Variants in DOCK4 observed in about 807,000 individuals in gnomAD.
DOCK4 encodes dedicator of cytokinesis protein 4.
In DOCK4, 97 loss-of-function variants were observed where a neutral mutation model predicts 268.1. The observed-to-expected ratio is 0.36, with a 90% CI of 0.31 to 0.43. The LOEUF is 0.43. Among genes scored for constraint, DOCK4 ranks in the 20% least tolerant of loss-of-function variants. The pLI is 1.00. For synonymous variants in DOCK4, 954 were observed against 887.2 expected (o/e 1.08, Z -1.34); for missense variants, 2,145 against 2,455.7 (o/e 0.87, Z 2.67).
At chr7:111,898,407 C>T (rs1790845967) in intron 15 of DOCK4, among the ~76,000 whole-genome samples, 1 of 152,230 alleles carries the variant, frequency 6.6e-6, no homozygotes, top group African/African-American at 2.4e-5. Context: ...CAACACAGTA[C>T]CATCACTTTC....
Position 111,739,118 on chromosome 7 carries a change from A to G in DOCK4, c.5232+16T>C. ...ATTGTCCTTGTTTTCTAGTTTCTCT[A>G]CCCTACAAGGAGTACCTGCGAAGGC... is the stretch of plus-strand genomic sequence containing the variant. On this transcript the variant is annotated intron_variant, in intron 49 of 52. Coordinates refer to ENST00000428084, the MANE Select transcript of DOCK4 (RefSeq NM_001363540.2). 2 of 1,598,980 alleles carry G rather than the reference A, an allele frequency of 1.3e-6. No homozygotes were observed. Among genetic ancestry groups the G allele is most frequent in the South Asian group, 2.2e-5 (2 of 90,682 alleles).
chr7:112,090,214 G>C (rs764705038), intron 1 of DOCK4, among the ~76,000 whole-genome samples: 4 of 152,232 alleles, frequency 2.6e-5, no homozygotes, highest in South Asian at 2.1e-4. Context: ...GGTATCATTA[G>C]AGGTTCTAAA....
rs201920775 is a variant in DOCK4 at position 112,134,166 on chromosome 7, ATAATT to A, written c.37+71931_37+71935del. ...GTAATTAGACTAAGTCTCAGAGTCCATAATTTATAGAGTTAAGACAGATTAACAAA... is the reference window on the plus strand; with the variant it reads ...GTAATTAGACTAAGTCTCAGAGTCCATATAGAGTTAAGACAGATTAACAAA... On this transcript the variant is annotated intron_variant, in intron 1 of 52. Transcript: ENST00000428084. 6.0e-3 allele frequency among the ~76,000 whole-genome samples: 916 copies of A among 152,346 alleles called. 10 individuals are homozygous for A. Among genetic ancestry groups the A allele is most frequent in the African/African-American group, 0.021 (868 of 41,576 alleles).
intron 1 of DOCK4, among the ~76,000 whole-genome samples, chr7:112,121,840 A>C (rs1166284488): frequency 6.6e-6 from 1 of 152,136 alleles, no homozygotes; most frequent in Non-Finnish European, 1.5e-5. Flanking sequence ...CAAAGTCATG[A>C]CCTTCCTGGT....
intron 12 of DOCK4, among the ~76,000 whole-genome samples, chr7:111,922,803 G>C (rs1462380011): frequency 6.6e-6 from 1 of 151,884 alleles, no homozygotes; most frequent in East Asian, 1.9e-4. Context: ...GTATGGTCTC[G>C]ATCTCCTGAC....
At chr7:112,133,915 T>C (rs1370253891) in intron 1 of DOCK4, among the ~76,000 whole-genome samples, 3 of 152,128 alleles carry the variant, frequency 2.0e-5, no homozygotes, top group African/African-American at 7.2e-5. Flanking sequence ...GAAATAATTT[T>C]TTTTTAACAG....
chr7:112,136,799 T>C (rs1198143084), intron 1 of DOCK4, among the ~76,000 whole-genome samples: 6 of 151,936 alleles, frequency 3.9e-5, no homozygotes, highest in South Asian at 4.2e-4. Flanking sequence ...ATTTGAAAAA[T>C]GAAAAGAGAG....
At chr7:111,774,911 G>T (rs1585946553) in intron 36 of DOCK4, among the ~76,000 whole-genome samples, 1 of 152,128 alleles carries the variant, frequency 6.6e-6, no homozygotes, top group East Asian at 1.9e-4. Flanking sequence ...ACAAATAAGT[G>T]GGCACGGGTG....
chr7:112,101,459 G>C (rs1810670121), intron 1 of DOCK4, among the ~76,000 whole-genome samples: 1 of 152,134 alleles, frequency 6.6e-6, no homozygotes, highest in Non-Finnish European at 1.5e-5. Context: ...AGACAAATGG[G>C]ACCAATAAAA....
intron 1 of DOCK4, among the ~76,000 whole-genome samples, chr7:112,202,647 T>A (rs1332152535): frequency 6.6e-6 from 1 of 151,926 alleles, no homozygotes; most frequent in Non-Finnish European, 1.5e-5. Flanking sequence ...GGTGGGAGTA[T>A]TGCTTGAGGC....
chr7:111,927,840 C>T (rs1054193181), intron 12 of DOCK4, among the ~76,000 whole-genome samples: 3 of 152,064 alleles, frequency 2.0e-5, no homozygotes, highest in Non-Finnish European at 2.9e-5. Flanking sequence ...GAAGGTCTCT[C>T]GGACCTTCCC....
At chr7:112,140,446 G>A (rs1814795168) in intron 1 of DOCK4, among the ~76,000 whole-genome samples, 1 of 151,980 alleles carries the variant, frequency 6.6e-6, no homozygotes, top group South Asian at 2.1e-4. Context: ...TGGGTTTTGG[G>A]GGTCATTCCT....
intron 28 of DOCK4, among the ~76,000 whole-genome samples, chr7:111,811,001 C>G (rs10249918): frequency 0.015 from 2,210 of 151,590 alleles, 61 homozygotes; most frequent in African/African-American, 0.051. Flanking sequence ...GACTCTGTCT[C>G]AAAAACAAAA....
chr7:112,057,121 T>C (rs956949747), intron 1 of DOCK4, among the ~76,000 whole-genome samples: 1 of 152,090 alleles, frequency 6.6e-6, no homozygotes, highest in African/African-American at 2.4e-5. Flanking sequence ...TTAAAAATAA[T>C]GGAGCATATT....
At chr7:111,868,936 A>T (rs1433825645) in intron 21 of DOCK4, among the ~76,000 whole-genome samples, 1 of 152,166 alleles carries the variant, frequency 6.6e-6, no homozygotes, top group African/African-American at 2.4e-5. Flanking sequence ...AAATGTATAC[A>T]TTGTCTACTT....
intron 15 of DOCK4, 25 bp downstream of exon 15, chr7:111,900,349 G>A (rs1586310288): frequency 8.7e-6 from 14 of 1,608,338 alleles, no homozygotes; most frequent in East Asian, 2.2e-5. Context: ...ATAGACACAG[G>A]TAGCCAATGC....
chr7:111,739,673 C>A, intron 47 of DOCK4, 196 bp from the exon 48 acceptor site: 1 of 583,158 alleles, frequency 1.7e-6, no homozygotes, highest in Non-Finnish European at 3.0e-6. Flanking sequence ...TTGACTCCTG[C>A]CAAAGGAATG....
Position 111,984,342 on chromosome 7 carries a change from A to G in DOCK4, c.513T>C (p.Asp171=). The change falls in exon 7 of 53, where the codon GAT becomes GAC. Residue 171 remains aspartate (D), a synonymous_variant. Transcript: ENST00000428084. ...GCTCAGTAATGCTGATGTCTTCCGG[A>G]TCCACCATTGCGTACTCTTTCCTAG... The part of the protein sequence containing the change: ...LVPRKEYAMV[D]PEDISITELY... The G allele has an allele frequency of 1.2e-6, 2 of 1,613,376 alleles. No individual in the cohort carries two copies. The highest frequency in any genetic ancestry group is 2.2e-5 in the South Asian group (2 of 90,914).
intron 8 of DOCK4, among the ~76,000 whole-genome samples, chr7:111,961,464 T>A (rs1796889289): frequency 1.3e-5 from 2 of 152,150 alleles, no homozygotes; most frequent in Admixed American, 1.3e-4. Flanking sequence ...TGGGTAGAGG[T>A]GATGTGCATT....
Sources: allele counts gnomAD v4.1 joint callset (sites outside exome capture counted in the v4.1 genomes callset), GRCh38; gene constraint gnomAD v4.1.1; transcripts MANE v1.5; gene names NCBI Gene and HGNC (gene_info 2026-07-23, HGNC 2026-07-21).